Variants in TMEM108 observed in about 807,000 individuals in gnomAD.
The protein encoded by TMEM108 is transmembrane protein 108.
In TMEM108, 12 loss-of-function variants were observed where a neutral mutation model predicts 35.1. The ratio of observed to expected loss-of-function variants is 0.34; its 90% CI spans 0.22 to 0.55. The LOEUF is 0.55. Among genes scored for constraint, TMEM108 ranks in the 20% least tolerant of loss-of-function variants. The probability of loss-of-function intolerance (pLI) is 0.89; values close to 1 mark genes in which losing one functional copy is unlikely to be tolerated. For synonymous variants in TMEM108, 287 were observed against 308.6 expected (o/e 0.93, Z 0.73); for missense variants, 680 against 753.3 (o/e 0.90, Z 1.14).
chr3:133,041,231 A>G (rs1358628233), intron 1 of TMEM108, among the ~76,000 whole-genome samples: 1 of 152,198 alleles, frequency 6.6e-6, no homozygotes, highest in Non-Finnish European at 1.5e-5. Context: ...AGGACCTGCC[A>G]TTCACAAGAT....
chr3:133,195,770 C>T (rs1945566555), intron 2 of TMEM108, among the ~76,000 whole-genome samples: 2 of 152,212 alleles, frequency 1.3e-5, no homozygotes, highest in African/African-American at 4.8e-5. Context: ...GATCTTTCCT[C>T]TTAGAGTTGC....
At chr3:133,153,217 G>A (rs958043881) in intron 2 of TMEM108, among the ~76,000 whole-genome samples, 1 of 152,072 alleles carries the variant, frequency 6.6e-6, no homozygotes, top group Non-Finnish European at 1.5e-5. Context: ...TAAATTGTTC[G>A]ATTCCAGACA....
At chr3:133,296,700 CA>C (rs1321670445) in intron 3 of TMEM108, among the ~76,000 whole-genome samples, 7 of 152,056 alleles carry the variant, frequency 4.6e-5, no homozygotes, top group African/African-American at 9.7e-5. Flanking sequence ...TAGAGTAGGA[CA>C]GGGGGGACTT....
At chr3:133,062,032 C>T (rs940919433) in intron 2 of TMEM108, among the ~76,000 whole-genome samples, 5 of 152,298 alleles carry the variant, frequency 3.3e-5, no homozygotes, top group East Asian at 1.9e-4. Flanking sequence ...ATCCTAAAAA[C>T]GTGCAATTTA....
intron 2 of TMEM108, among the ~76,000 whole-genome samples, chr3:133,217,042 G>A (rs776933371): frequency 5.9e-5 from 9 of 151,934 alleles, no homozygotes; most frequent in South Asian, 2.1e-4. Flanking sequence ...TTTACCTTCC[G>A]ATCAACAGTG....
At chr3:133,235,579 TGTGATC>T (rs1162578474) in intron 3 of TMEM108, among the ~76,000 whole-genome samples, 1 of 152,166 alleles carries the variant, frequency 6.6e-6, no homozygotes, top group Non-Finnish European at 1.5e-5. Flanking sequence ...TAAAATGGGA[TGTGATC>T]ACTCACTACC....
At chr3:133,373,148 C>G (rs1288060455) in intron 3 of TMEM108, among the ~76,000 whole-genome samples, 2 of 152,064 alleles carry the variant, frequency 1.3e-5, no homozygotes, top group African/African-American at 2.4e-5. Flanking sequence ...AGGCAGATTG[C>G]TTGAACCCAG....
intron 3 of TMEM108, among the ~76,000 whole-genome samples, chr3:133,256,847 A>G (rs757280042): frequency 1.6e-4 from 24 of 152,262 alleles, no homozygotes; most frequent in Non-Finnish European, 2.9e-4. Context: ...TAGCCAGTTA[A>G]GTGCTCCACA....
chr3:133,048,897 G>A (rs1943370479), intron 2 of TMEM108, among the ~76,000 whole-genome samples: 1 of 152,170 alleles, frequency 6.6e-6, no homozygotes, highest in Non-Finnish European at 1.5e-5. Flanking sequence ...TGAAGTTTTT[G>A]TTCTAGTACT....
At chr3:133,227,998 C>T (rs1374234498) in intron 2 of TMEM108, among the ~76,000 whole-genome samples, 1 of 152,046 alleles carries the variant, frequency 6.6e-6, no homozygotes, top group East Asian at 1.9e-4. Flanking sequence ...TCCATAGAGA[C>T]AATAGATTAA....
chr3:133,060,750 C>T (rs1943525382), intron 2 of TMEM108, among the ~76,000 whole-genome samples: 1 of 152,144 alleles, frequency 6.6e-6, no homozygotes, highest in African/African-American at 2.4e-5. Flanking sequence ...TGTGTGTACA[C>T]CTTGACCCAG....
At chr3:133,092,669 AGTCTT>A (rs1391891160) in intron 2 of TMEM108, among the ~76,000 whole-genome samples, 1 of 152,190 alleles carries the variant, frequency 6.6e-6, no homozygotes, top group Non-Finnish European at 1.5e-5. Flanking sequence ...TTCATGGTAT[AGTCTT>A]GATAATGTTA....
At chr3:133,321,708 C>A (rs1037349085) in intron 3 of TMEM108, among the ~76,000 whole-genome samples, 1 of 152,098 alleles carries the variant, frequency 6.6e-6, no homozygotes, top group African/African-American at 2.4e-5. Flanking sequence ...ACATTCTACC[C>A]AATAACTGCA....
intron 3 of TMEM108, among the ~76,000 whole-genome samples, chr3:133,316,996 A>T (rs751812425): frequency 6.6e-6 from 1 of 152,240 alleles, no homozygotes; most frequent in African/African-American, 2.4e-5. Context: ...CTCTTTTAGC[A>T]TAAAAGAACG....
At chr3:133,203,554 A>C (rs928009805) in intron 2 of TMEM108, among the ~76,000 whole-genome samples, 2 of 152,142 alleles carry the variant, frequency 1.3e-5, no homozygotes, top group African/African-American at 4.8e-5. Context: ...TGAGATAATC[A>C]TGTGGTTTTT....
chr3:133,275,088 T>C (rs1367922680), intron 3 of TMEM108, among the ~76,000 whole-genome samples: 1 of 152,230 alleles, frequency 6.6e-6, no homozygotes, highest in Non-Finnish European at 1.5e-5. Context: ...ATTATTTTAA[T>C]GGGGGAGGGG....
At position 133,114,118 on chromosome 3, in the gene TMEM108, A is replaced by G. The variant is rs535269317; in HGVS notation, c.-47+68098A>G. Among the ~76,000 whole-genome samples the G allele has an allele frequency of 1.9e-4, 29 of 152,306 alleles. 1 individual carries two copies. In the South Asian group the frequency reaches 5.6e-3, roughly 29 times the overall value. On this transcript the variant is annotated intron_variant, in intron 2 of 5. Coordinates refer to ENST00000321871, the MANE Select transcript of TMEM108 (RefSeq NM_023943.4). ...CAAGTGAAATCCTTGTCTTCCAATT[A>G]GAGGGGCAGCTGGAGTCTCATGTGT...
intron 3 of TMEM108, among the ~76,000 whole-genome samples, chr3:133,260,544 A>G (rs970666107): frequency 1.3e-5 from 2 of 152,202 alleles, no homozygotes; most frequent in Admixed American, 6.5e-5. Context: ...AAGAGGGCCA[A>G]TTGTGGTCAG....
chr3:133,311,662 T>C (rs906866277), intron 3 of TMEM108, among the ~76,000 whole-genome samples: 5 of 152,232 alleles, frequency 3.3e-5, no homozygotes, highest in Non-Finnish European at 7.3e-5. Flanking sequence ...TAGAACATGC[T>C]CCTTTAGCTC....
Sources: gnomAD v4.1 joint callset for allele counts (sites outside exome capture counted in the v4.1 genomes callset) on GRCh38, gnomAD v4.1.1 for gene constraint, MANE v1.5 for transcripts, NCBI Gene and HGNC (gene_info 2026-07-23, HGNC 2026-07-21) for gene names.